KCNN2: variants seen among roughly 807,000 people sequenced by gnomAD.
KCNN2 encodes the protein potassium calcium-activated channel subfamily N member 2.
Under a neutral mutation model 55.5 loss-of-function variants are expected in KCNN2, and 24 were observed. The ratio of observed to expected loss-of-function variants is 0.43; its 90% confidence interval spans 0.31 to 0.61. The LOEUF is 0.61. Ranked by LOEUF, KCNN2 falls within the 20% of genes least tolerant of loss-of-function variation. The probability of loss-of-function intolerance (pLI) is 0.08; values close to 1 mark genes in which losing one functional copy is unlikely to be tolerated. For synonymous variants in KCNN2, 431 were observed against 336.1 expected, an observed-to-expected ratio of 1.28 and a Z score of -3.09; for missense variants, 754 against 853.6, an observed-to-expected ratio of 0.88 and a Z score of 1.45.
At chr5:114,106,895 A>G (rs183689006) in intron 1 of KCNN2, among the ~76,000 whole-genome samples, 1 of 152,022 alleles carries the variant, frequency 6.6e-6, no homozygotes. Flanking sequence ...CAAGTTATCA[A>G]CCTTTTTGTT....
chr5:114,216,800 A>G (rs1362421953), intron 1 of KCNN2, among the ~76,000 whole-genome samples: 1 of 152,116 alleles, frequency 6.6e-6, no homozygotes, highest in Non-Finnish European at 1.5e-5. Flanking sequence ...AGTAAAAAGT[A>G]TAGAGATTGA....
chr5:114,406,878 A>G (rs1325999866), intron 3 of KCNN2, among the ~76,000 whole-genome samples: 1 of 152,114 alleles, frequency 6.6e-6, no homozygotes, highest in African/African-American at 2.4e-5. Context: ...TATTTTTGAG[A>G]TCTTGCAGAT....
In KCNN2 at chr5:114,241,769, TATATAC is replaced by T. The variant is rs1478129296; in HGVS notation, c.-185+20210_-185+20215del. Among the ~76,000 whole-genome samples the T allele has an allele frequency of 4.1e-4, 6 of 14,554 alleles. 3 individuals carry two copies. Among genetic ancestry groups the T allele is most frequent in the Non-Finnish European group, 7.6e-4 (6 of 7,888 alleles). The allele number at this position is 14,554 out of a possible 152,430, so 9.5% of individuals were successfully genotyped here. ...ATATATATGTATATATATACGTATA[TATATAC>T]ATATATACGTATATATATGTATATA... On this transcript the variant is annotated intron_variant, in intron 2 of 10. Transcript: ENST00000512097.
intron 2 of KCNN2, among the ~76,000 whole-genome samples, chr5:114,343,689 C>T (rs1026393338): frequency 4.0e-5 from 6 of 151,066 alleles, no homozygotes; most frequent in Non-Finnish European, 7.4e-5. Context: ...GACAAAGATG[C>T]ATGGTGTGGG....
chr5:114,419,592 T>G (rs1759413739), intron 3 of KCNN2, among the ~76,000 whole-genome samples: 1 of 152,224 alleles, frequency 6.6e-6, no homozygotes, highest in African/African-American at 2.4e-5. Flanking sequence ...ACATTGACAT[T>G]AGTTCCAGTG....
At chr5:114,336,527 C>T (rs924657705) in intron 2 of KCNN2, among the ~76,000 whole-genome samples, 9 of 152,048 alleles carry the variant, frequency 5.9e-5, no homozygotes, top group African/African-American at 1.2e-4. Context: ...CATCATTGGA[C>T]GAGACACTAT....
chr5:114,325,367 A>C (rs1233024427), intron 2 of KCNN2, among the ~76,000 whole-genome samples: 1 of 152,242 alleles, frequency 6.6e-6, no homozygotes, highest in Non-Finnish European at 1.5e-5. Flanking sequence ...ACCTATCCAG[A>C]TTGCAAAAGA....
chr5:114,136,213 G>T (rs981417760), intron 1 of KCNN2, among the ~76,000 whole-genome samples: 20 of 152,170 alleles, frequency 1.3e-4, no homozygotes, highest in African/African-American at 4.1e-4. Context: ...GGCCATGAGG[G>T]CTCTGCCATC....
intron 2 of KCNN2, among the ~76,000 whole-genome samples, chr5:114,396,528 A>G (rs1044110412): frequency 6.6e-6 from 1 of 151,188 alleles, no homozygotes; most frequent in African/African-American, 2.4e-5. Context: ...ATAAGCATAT[A>G]AGCATAGTAC....
At chr5:114,428,033 C>G (rs546287981) in intron 3 of KCNN2, among the ~76,000 whole-genome samples, 2 of 152,178 alleles carry the variant, frequency 1.3e-5, no homozygotes, top group African/African-American at 4.8e-5. Flanking sequence ...TGTAATACCT[C>G]GGGCCTGTTC....
intron 1 of KCNN2, among the ~76,000 whole-genome samples, chr5:114,147,915 A>G (rs1157163144): frequency 6.6e-6 from 1 of 152,204 alleles, no homozygotes; most frequent in East Asian, 1.9e-4. Context: ...TGCATTGGCA[A>G]CAGCTAATTT....
At chr5:114,256,362 T>A (rs1261970904) in intron 2 of KCNN2, among the ~76,000 whole-genome samples, 1 of 152,200 alleles carries the variant, frequency 6.6e-6, no homozygotes, top group Non-Finnish European at 1.5e-5. Flanking sequence ...ATATTTTTGG[T>A]ATAATGATTG....
chr5:114,252,352 T>C lies in KCNN2; in HGVS notation c.-185+30787T>C, dbSNP rs908065050. On this transcript the variant is annotated intron_variant, in intron 2 of 10. Transcript: ENST00000512097. Reference sequence around the variant, plus strand: ...TATGAAGAGACTCCCTCAGATGAGATAGAGCCTTGAGATGACAGTTTCCTT... The same window carrying C: ...TATGAAGAGACTCCCTCAGATGAGACAGAGCCTTGAGATGACAGTTTCCTT... Among the ~76,000 whole-genome samples the C allele has an allele frequency of 9.2e-5, 14 of 152,276 alleles. No homozygotes were observed. The South Asian group carries it at 1.9e-3, about 20-fold the overall frequency.
chr5:114,421,926 A>G (rs1389241193), intron 3 of KCNN2, among the ~76,000 whole-genome samples: 1 of 152,204 alleles, frequency 6.6e-6, no homozygotes, highest in African/African-American at 2.4e-5. Flanking sequence ...CATAAATTAA[A>G]AAGAATGTAT....
At position 114,454,693 on chromosome 5, in the gene KCNN2, G is replaced by A. The variant is rs147456292; in HGVS notation, c.1638-8356G>A. Among the ~76,000 whole-genome samples, 368 of 152,296 alleles carry A rather than the reference G, an allele frequency of 2.4e-3. 3 individuals carry two copies. The highest frequency in any genetic ancestry group is 7.9e-3 in the African/African-American group (327 of 41,582). On this transcript the variant is annotated intron_variant, in intron 3 of 7. Transcript: ENST00000673685. ...GGCCCTAAGTCTCTGAGTATCCAGT[G>A]TATCCCCAGAGAATGAACCTATCTC...
intron 2 of KCNN2, among the ~76,000 whole-genome samples, chr5:114,324,069 C>T (rs1242338009): frequency 2.0e-5 from 3 of 150,840 alleles, no homozygotes; most frequent in Non-Finnish European, 4.4e-5. Flanking sequence ...AACAGGTATT[C>T]ACAGAGTATG....
intron 1 of KCNN2, among the ~76,000 whole-genome samples, chr5:114,069,545 T>G (rs1175477464): frequency 1.3e-5 from 2 of 152,144 alleles, no homozygotes; most frequent in East Asian, 3.9e-4. Context: ...TAAGGTAACC[T>G]TATTTTCCTT....
chr5:114,145,655 C>T (rs1409222020), intron 1 of KCNN2, among the ~76,000 whole-genome samples: 2 of 151,648 alleles, frequency 1.3e-5, no homozygotes, highest in Non-Finnish European at 2.9e-5. Context: ...CAACGATCAT[C>T]TACAGAACCA....
chr5:114,300,255 A>G (rs1756125629), intron 2 of KCNN2, among the ~76,000 whole-genome samples: 2 of 152,158 alleles, frequency 1.3e-5, no homozygotes, highest in South Asian at 4.1e-4. Context: ...TGCCTCTACT[A>G]TATGTTTTTA....
Sources: gnomAD v4.1 joint callset for allele counts (sites outside exome capture counted in the v4.1 genomes callset) on GRCh38, gnomAD v4.1.1 for gene constraint, MANE v1.5 for transcripts, NCBI Gene and HGNC (gene_info 2026-07-23, HGNC 2026-07-21) for gene names.